Variants in CERS6 observed in about 807,000 individuals in gnomAD.
The protein encoded by CERS6 is ceramide synthase 6.
A neutral mutation model predicts 56.8 loss-of-function variants in CERS6; 26 were observed. The observed-to-expected ratio is 0.46, with a 90% confidence interval of 0.34 to 0.63. The LOEUF (loss-of-function observed/expected upper bound fraction) is 0.63. Among genes scored for constraint, CERS6 ranks in the 30% least tolerant of loss-of-function variants. The pLI, the probability that CERS6 is intolerant of heterozygous loss-of-function variation, is 0.01. For missense variants in CERS6, 415 were observed against 467.5 expected, an observed-to-expected ratio of 0.89 and a Z score of 1.04; for synonymous variants, 164 against 173.3, an observed-to-expected ratio of 0.95 and a Z score of 0.42.
intron 8 of CERS6, among the ~76,000 whole-genome samples, chr2:168,765,243 A>G (rs896790650): frequency 6.6e-6 from 1 of 152,236 alleles, no homozygotes; most frequent in Non-Finnish European, 1.5e-5. Flanking sequence ...TGTGCTGAGC[A>G]TGTATGGCAG....
chr2:168,727,422 G>A (rs1454260576), intron 8 of CERS6, among the ~76,000 whole-genome samples: 5 of 151,860 alleles, frequency 3.3e-5, no homozygotes, highest in East Asian at 3.9e-4. Context: ...GGTGGCATGC[G>A]CCTGTAGTCC....
chr2:168,621,547 T>C (rs181330617), intron 3 of CERS6, among the ~76,000 whole-genome samples: 1 of 152,348 alleles, frequency 6.6e-6, no homozygotes, highest in Non-Finnish European at 1.5e-5. Flanking sequence ...TTGAATTTTT[T>C]GCAGATGTAT....
intron 1 of CERS6, among the ~76,000 whole-genome samples, chr2:168,480,936 GAT>G (rs995798624): frequency 1.2e-4 from 18 of 152,218 alleles, no homozygotes; most frequent in Admixed American, 4.6e-4. Flanking sequence ...ATGTTAGAAA[GAT>G]AGCCGGGAAT....
chr2:168,501,009 A>G (rs2167629), intron 1 of CERS6, among the ~76,000 whole-genome samples: 151,313 of 152,356 alleles, frequency 0.99, 75,144 homozygotes, highest in East Asian at 1. Flanking sequence ...GTATTTCCCC[A>G]TTTACATAAG....
At chr2:168,528,657 A>G (rs1051263210) in intron 1 of CERS6, among the ~76,000 whole-genome samples, 2 of 3,928 alleles carry the variant, frequency 5.1e-4, no homozygotes, top group Non-Finnish European at 5.2e-3. Context: ...CTAGAGGTTC[A>G]TAGTTTTATA....
intron 3 of CERS6, among the ~76,000 whole-genome samples, chr2:168,563,210 C>CT (rs779089864): frequency 3.9e-5 from 6 of 152,174 alleles, no homozygotes; most frequent in Non-Finnish European, 7.3e-5. Flanking sequence ...TGCCATTGGT[C>CT]TATAGGTCAC....
chr2:168,718,698 T>C (rs1407273024), intron 8 of CERS6, among the ~76,000 whole-genome samples: 1 of 152,202 alleles, frequency 6.6e-6, no homozygotes, highest in Non-Finnish European at 1.5e-5. Context: ...CCCTGAAGAA[T>C]TTCTTTAGGT....
At chr2:168,721,782 C>A (rs575471441) in intron 8 of CERS6, among the ~76,000 whole-genome samples, 9 of 151,944 alleles carry the variant, frequency 5.9e-5, no homozygotes, top group African/African-American at 1.9e-4. Context: ...CAATACCCAG[C>A]TGATTTATTT....
intron 4 of CERS6, among the ~76,000 whole-genome samples, chr2:168,646,098 T>C (rs978636789): frequency 1.3e-5 from 2 of 152,232 alleles, no homozygotes; most frequent in African/African-American, 4.8e-5. Flanking sequence ...TGCTTTTAGC[T>C]GTTTGAGGAA....
chr2:168,633,552 C>T (rs1214094560), intron 4 of CERS6, among the ~76,000 whole-genome samples: 1 of 152,188 alleles, frequency 6.6e-6, no homozygotes, highest in Admixed American at 6.5e-5. Flanking sequence ...CTGCCCTAAC[C>T]TCAGCATGAT....
At chr2:168,729,093 C>T (rs906201263) in intron 8 of CERS6, among the ~76,000 whole-genome samples, 13 of 151,698 alleles carry the variant, frequency 8.6e-5, no homozygotes, top group African/African-American at 3.2e-4. Flanking sequence ...CTTCCCAGTC[C>T]CTGCAGAGAA....
intron 1 of CERS6, among the ~76,000 whole-genome samples, chr2:168,463,338 A>G (rs936904021): frequency 1.3e-5 from 2 of 152,212 alleles, no homozygotes; most frequent in African/African-American, 4.8e-5. Flanking sequence ...TTATTCAAAA[A>G]TATTTTTAAT....
intron 3 of CERS6, among the ~76,000 whole-genome samples, chr2:168,597,066 T>G (rs1683818513): frequency 2.0e-5 from 3 of 152,196 alleles, no homozygotes; most frequent in African/African-American, 4.8e-5. Context: ...AATCTCTGAC[T>G]CACTTTCACA....
At chr2:168,762,256 T>C (rs1477533409) in intron 8 of CERS6, among the ~76,000 whole-genome samples, 4 of 152,234 alleles carry the variant, frequency 2.6e-5, no homozygotes, top group African/African-American at 7.2e-5. Context: ...TTTCCTGTTA[T>C]GGGACATTTT....
intron 2 of CERS6, among the ~76,000 whole-genome samples, chr2:168,557,221 A>G (rs1695699143): frequency 1.3e-5 from 2 of 152,116 alleles, no homozygotes; most frequent in South Asian, 4.1e-4. Context: ...GTAGAAACCT[A>G]AAAGAATAAT....
intron 4 of CERS6, among the ~76,000 whole-genome samples, chr2:168,684,591 A>T (rs1473349311): frequency 6.6e-6 from 1 of 152,210 alleles, no homozygotes; most frequent in African/African-American, 2.4e-5. Flanking sequence ...TTAGGTAACA[A>T]ATTAATATAG....
intron 4 of CERS6, among the ~76,000 whole-genome samples, chr2:168,666,329 C>G (rs1685761111): frequency 6.6e-6 from 1 of 152,200 alleles, no homozygotes; most frequent in Non-Finnish European, 1.5e-5. Flanking sequence ...TTCCTTCCTC[C>G]CTAGACCTGG....
At chr2:168,545,102 CACAT>C (rs1296206388) in intron 1 of CERS6, among the ~76,000 whole-genome samples, 4 of 151,782 alleles carry the variant, frequency 2.6e-5, no homozygotes, top group Non-Finnish European at 5.9e-5. Context: ...TTTGTAGAAA[CACAT>C]ACATGTATTT....
chr2:168,596,555 C>CCCT (rs766580344), intron 3 of CERS6, among the ~76,000 whole-genome samples: 161 of 114,812 alleles, frequency 1.4e-3, no homozygotes, highest in African/African-American at 6.2e-3. Context: ...ATCCCCCCCC[C>CCCT]TTTTTTTTTT....
Sources: allele counts gnomAD v4.1 joint callset (sites outside exome capture counted in the v4.1 genomes callset), GRCh38; gene constraint gnomAD v4.1.1; transcripts MANE v1.5; gene names NCBI Gene and HGNC (gene_info 2026-07-23, HGNC 2026-07-21).